NOS1: variants seen among roughly 807,000 people sequenced by gnomAD.
The protein encoded by NOS1 is NOS type I.
In NOS1, 51 loss-of-function variants were observed where a neutral mutation model predicts 164.5. The ratio of observed to expected loss-of-function variants is 0.31; its 90% CI spans 0.25 to 0.39. The LOEUF is 0.39. Among genes scored for constraint, NOS1 ranks in the 10% least tolerant of loss-of-function variants. The probability of loss-of-function intolerance (pLI) is 1.00; values close to 1 mark genes in which losing one functional copy is unlikely to be tolerated. For synonymous variants in NOS1, 719 were observed against 745.8 expected (o/e 0.96, Z 0.59); for missense variants, 1,362 against 1,885.6 (o/e 0.72, Z 5.14).
chr12:117,280,294 G>A (rs1360218572), intron 8 of NOS1, among the ~76,000 whole-genome samples: 2 of 152,188 alleles, frequency 1.3e-5, no homozygotes, highest in East Asian at 3.8e-4. Context: ...ACAAATGAAG[G>A]AATGAAATGA....
Position 117,242,721 on chromosome 12 carries a change from C to T in NOS1, c.2963-16G>A. 1 of 1,611,870 alleles carries T rather than the reference C, an allele frequency of 6.2e-7. No homozygotes were observed. Among genetic ancestry groups the T allele is most frequent in the Non-Finnish European group, 8.5e-7 (1 of 1,177,946 alleles). On this transcript the variant is annotated splice_polypyrimidine_tract_variant and intron_variant, in intron 19 of 28. Coordinates refer to ENST00000317775, the MANE Select transcript of NOS1 (RefSeq NM_000620.5). ...TTGGATAGACCTGTGGGGAGAAAAA[C>T]AACAGTCTTCCTGAGAAGGGGTTGA...
chr12:117,282,039 CT>C (rs989204312), intron 7 of NOS1, among the ~76,000 whole-genome samples: 1 of 151,930 alleles, frequency 6.6e-6, no homozygotes, highest in African/African-American at 2.4e-5. Context: ...CTTTGCCTGC[CT>C]AAATAGGCAA....
intron 2 of NOS1, among the ~76,000 whole-genome samples, chr12:117,314,611 C>T (rs1874589878): frequency 1.3e-5 from 2 of 152,080 alleles, no homozygotes; most frequent in Admixed American, 6.6e-5. Flanking sequence ...AAGATCCTTC[C>T]TTTTTTATTT....
intron 18 of NOS1, chr12:117,245,517 A>T (rs1870550449): frequency 6.6e-6 from 1 of 152,238 alleles, no homozygotes; most frequent in African/African-American, 2.4e-5. Flanking sequence ...TTAAATACTG[A>T]AGAAAGATAA....
rs577044548 is a variant in NOS1 at position 117,249,192 on chromosome 12, G to C, written c.2649-1670C>G. On this transcript the variant is annotated intron_variant, in intron 17 of 28. Transcript: ENST00000317775. ...TATGACAGCCTGAACTAATATATCT[G>C]GTATCTCAAGAAGAACAGTGTTTAG... is the stretch of plus-strand genomic sequence containing the variant. 8.5e-5 allele frequency among the ~76,000 whole-genome samples: 13 copies of C among 152,204 alleles called. No individual in the cohort carries two copies. The South Asian group carries it at 2.7e-3, about 32-fold the overall frequency.
intron 3 of NOS1, among the ~76,000 whole-genome samples, chr12:117,293,684 GTATTATTACTTGTATTAC>G (rs1378116943): frequency 2.0e-5 from 3 of 151,014 alleles, no homozygotes; most frequent in Non-Finnish European, 4.4e-5. Flanking sequence ...ATTACTACTT[GTATTATTACTTGTATTAC>G]TATTATTACT....
At chr12:117,260,013 G>A (rs974150793) in intron 14 of NOS1, among the ~76,000 whole-genome samples, 1 of 151,830 alleles carries the variant, frequency 6.6e-6, no homozygotes, top group Admixed American at 6.6e-5. Flanking sequence ...CAGCTACTCG[G>A]GAGGCTGAGG....
intron 7 of NOS1, 89 bp downstream of exon 7, chr12:117,285,152 C>T: frequency 1.4e-6 from 1 of 690,268 alleles, no homozygotes; most frequent in Non-Finnish European, 2.4e-6. Context: ...GGTGCATTTC[C>T]CTGGCAGGTG....
In NOS1 at chr12:117,316,038, C is replaced by A. The variant is rs547575683; in HGVS notation, c.726-4446G>T. Reference sequence around the variant, plus strand: ...TGTTATAGCCACTAGACACATGTGGCAATTGAGCATTTGAAATGTGGTTAT... The same window carrying A: ...TGTTATAGCCACTAGACACATGTGGAAATTGAGCATTTGAAATGTGGTTAT... On this transcript the variant is annotated intron_variant, in intron 2 of 28. Coordinates refer to ENST00000317775, the MANE Select transcript of NOS1 (RefSeq NM_000620.5). Among the ~76,000 whole-genome samples, 32 of 152,276 alleles carry A rather than the reference C, an allele frequency of 2.1e-4. 1 individual carries two copies. The highest frequency in any genetic ancestry group is 5.8e-4 in the African/African-American group (24 of 41,560).
At chr12:117,298,672 A>T (rs1040594965) in intron 3 of NOS1, among the ~76,000 whole-genome samples, 1 of 152,186 alleles carries the variant, frequency 6.6e-6, no homozygotes, top group Non-Finnish European at 1.5e-5. Flanking sequence ...ATGTGCTCAC[A>T]GGGAGAGCGC....
chr12:117,248,354 A>C (rs1269727027), intron 17 of NOS1, among the ~76,000 whole-genome samples: 74 of 135,034 alleles, frequency 5.5e-4, no homozygotes, highest in African/African-American at 9.9e-4. Context: ...CTCTCCCCCC[A>C]CCCCACAACA....
At chr12:117,219,095 C>A (rs1354373160) in intron 27 of NOS1, among the ~76,000 whole-genome samples, 1 of 151,448 alleles carries the variant, frequency 6.6e-6, no homozygotes, top group Non-Finnish European at 1.5e-5. Flanking sequence ...TCTCCTGCCT[C>A]AGCCTCCTGA....
chr12:117,250,237 A>G (rs997973556), intron 17 of NOS1, among the ~76,000 whole-genome samples: 1 of 152,004 alleles, frequency 6.6e-6, no homozygotes, highest in African/African-American at 2.4e-5. Context: ...GTAACATTTC[A>G]TCTTCCTCTT....
rs148054635 is a variant in NOS1, at chr12:117,350,367, C to A, written c.-421+11145G>T. The stretch of plus-strand genomic sequence containing the variant: ...GTTACCTGTTGACTGCACACCAAAG[C>A]TATTTCAACAGATTATTCAATGAGT... On this transcript the variant is annotated intron_variant, in intron 1 of 28. Coordinates refer to ENST00000317775, the MANE Select transcript of NOS1 (RefSeq NM_000620.5). Among the ~76,000 whole-genome samples, 9 of 152,252 alleles carry A rather than the reference C, an allele frequency of 5.9e-5. No homozygotes were observed. The East Asian group carries it at 1.5e-3, about 26-fold the overall frequency.
At chr12:117,350,205 C>T (rs1199484253) in intron 1 of NOS1, among the ~76,000 whole-genome samples, 1 of 152,138 alleles carries the variant, frequency 6.6e-6, no homozygotes. Context: ...GAAAACCTTG[C>T]TTTGAAATCT....
Position 117,213,648 on chromosome 12 carries a change from A to G in NOS1, c.*1661T>C, listed in dbSNP as rs41472247. The G allele has an allele frequency of 1.0e-3, 1,025 of 985,436 alleles. 9 individuals carry two copies. The African/African-American group carries it at 0.016, about 15-fold the overall frequency. The allele number at this position is 985,436 out of a possible 1,614,324, so 61.0% of individuals were successfully genotyped here. On this transcript the variant is annotated 3_prime_UTR_variant, in exon 29 of 29. Coordinates refer to ENST00000317775, the MANE Select transcript of NOS1 (RefSeq NM_000620.5). ...GCACTTCCTCTTTAGCAGACACCCA[A>G]ACTGAACAACAAGATATGCCCACGT... is the stretch of plus-strand genomic sequence containing the variant.
intron 8 of NOS1, among the ~76,000 whole-genome samples, chr12:117,278,457 C>T (rs1873356696): frequency 6.6e-6 from 1 of 152,184 alleles, no homozygotes; most frequent in South Asian, 2.1e-4. Flanking sequence ...CACTGGAATT[C>T]CCAGAGGGCA....
intron 2 of NOS1, among the ~76,000 whole-genome samples, chr12:117,323,090 C>T (rs530148677): frequency 6.6e-6 from 1 of 152,294 alleles, no homozygotes; most frequent in Admixed American, 6.5e-5. Context: ...AGGTGGGTAC[C>T]CAGCCTTTTA....
At chr12:117,297,302 T>G (rs1339892648) in intron 3 of NOS1, among the ~76,000 whole-genome samples, 1 of 152,056 alleles carries the variant, frequency 6.6e-6, no homozygotes, top group Non-Finnish European at 1.5e-5. Flanking sequence ...GAACTGAAGG[T>G]TGGGGGCTCT....
Sources: allele counts gnomAD v4.1 joint callset (sites outside exome capture counted in the v4.1 genomes callset), GRCh38; gene constraint gnomAD v4.1.1; transcripts MANE v1.5; gene names NCBI Gene and HGNC (gene_info 2026-07-23, HGNC 2026-07-21).